PRKCA: variants seen among roughly 807,000 people sequenced by gnomAD.
The protein encoded by PRKCA is protein kinase C alpha.
Under a neutral mutation model 87.0 loss-of-function variants are expected in PRKCA, and 27 were observed. The observed-to-expected ratio is 0.31, with a 90% CI of 0.23 to 0.43. PRKCA has a LOEUF of 0.43. Among genes scored for constraint, PRKCA ranks in the 20% least tolerant of loss-of-function variants. The pLI, the probability that PRKCA is intolerant of heterozygous loss-of-function variation, is 1.00. For missense variants in PRKCA, 518 were observed against 852.3 expected (o/e 0.61, Z 4.88); for synonymous variants, 329 against 311.1 (o/e 1.06, Z -0.61).
At chr17:66,609,095 G>C (rs75117677) in intron 3 of PRKCA, among the ~76,000 whole-genome samples, 5,019 of 152,274 alleles carry the variant, frequency 0.033, 269 homozygotes, top group African/African-American at 0.11. Flanking sequence ...GGCCTCCTCA[G>C]ACTAATCATT....
At chr17:66,367,393 G>A (rs1312764718) in intron 2 of PRKCA, among the ~76,000 whole-genome samples, 3 of 152,224 alleles carry the variant, frequency 2.0e-5, no homozygotes, top group Non-Finnish European at 2.9e-5. Context: ...TGGTTTGGAA[G>A]CCAGAGACTG....
At chr17:66,655,233 T>C (rs1426102363) in intron 5 of PRKCA, among the ~76,000 whole-genome samples, 1 of 152,240 alleles carries the variant, frequency 6.6e-6, no homozygotes, top group African/African-American at 2.4e-5. Flanking sequence ...ATCTACTCTA[T>C]CTTCTTCCTT....
chr17:66,465,906 G>T (rs1273272388), intron 2 of PRKCA, among the ~76,000 whole-genome samples: 1 of 151,824 alleles, frequency 6.6e-6, no homozygotes, highest in African/African-American at 2.4e-5. Flanking sequence ...TGTAAGATTT[G>T]ACTTTTTTTT....
At chr17:66,404,742 CTTTTTTTTTTTTT>C (rs773919783) in intron 2 of PRKCA, among the ~76,000 whole-genome samples, 1 of 54,246 alleles carries the variant, frequency 1.8e-5, no homozygotes, top group Non-Finnish European at 3.2e-5. Context: ...GATGGTAGGC[CTTTTTTTTTTTTT>C]TTTTTTTTTT....
chr17:66,512,560 C>G (rs2144179491), intron 3 of PRKCA, among the ~76,000 whole-genome samples: 1 of 152,044 alleles, frequency 6.6e-6, no homozygotes, highest in East Asian at 1.9e-4. Context: ...ACCTCACTGA[C>G]CAGAACATCC....
At chr17:66,641,847 CAT>C (rs1476059581) in intron 4 of PRKCA, among the ~76,000 whole-genome samples, 2 of 152,082 alleles carry the variant, frequency 1.3e-5, no homozygotes, top group African/African-American at 4.8e-5. Context: ...AAACCCTACT[CAT>C]TATCTTCCTG....
intron 2 of PRKCA, among the ~76,000 whole-genome samples, chr17:66,430,616 T>A (rs978560066): frequency 2.0e-5 from 3 of 151,774 alleles, no homozygotes; most frequent in African/African-American, 7.3e-5. Flanking sequence ...CACAAAGAGG[T>A]TCCAGATTGA....
In PRKCA at chr17:66,805,148, G is replaced by C; in HGVS notation, c.*1111G>C. 2.0e-6 allele frequency: 2 copies of C among 982,128 alleles called. No individual in the cohort carries two copies. Among genetic ancestry groups the C allele is most frequent in the Non-Finnish European group, 2.4e-6 (2 of 826,916 alleles). 60.8% of individuals were successfully genotyped at this position (982,128 alleles called of 1,614,324 possible). On this transcript the variant is annotated 3_prime_UTR_variant, in exon 17 of 17. Transcript: ENST00000413366. ...TTAGGGATAAAAAGAATATGGTTTT[G>C]GTTCCCATTTCTAGTTCACGTTGAA...
At chr17:66,706,875 G>T (rs76587887) in intron 8 of PRKCA, among the ~76,000 whole-genome samples, 7,704 of 152,202 alleles carry the variant, frequency 0.051, 269 homozygotes, top group Non-Finnish European at 0.07. Flanking sequence ...ATGCCCTCTG[G>T]TCCTTTACAT....
At chr17:66,405,024 A>G (rs1911280959) in intron 2 of PRKCA, among the ~76,000 whole-genome samples, 1 of 152,008 alleles carries the variant, frequency 6.6e-6, no homozygotes, top group Non-Finnish European at 1.5e-5. Flanking sequence ...TGCTGGGATT[A>G]CAGGTGTGAG....
intron 2 of PRKCA, among the ~76,000 whole-genome samples, chr17:66,312,543 A>G (rs1905133120): frequency 6.6e-6 from 1 of 152,036 alleles, no homozygotes; most frequent in Admixed American, 6.6e-5. Flanking sequence ...CTTACCTACA[A>G]TGCTTTCCTT....
chr17:66,408,418 T>C (rs1911544845), intron 2 of PRKCA, among the ~76,000 whole-genome samples: 1 of 152,226 alleles, frequency 6.6e-6, no homozygotes, highest in African/African-American at 2.4e-5. Context: ...AACTTGAGCT[T>C]TGAAAACTAG....
At chr17:66,536,908 C>T (rs1967807611) in intron 3 of PRKCA, among the ~76,000 whole-genome samples, 2 of 152,282 alleles carry the variant, frequency 1.3e-5, no homozygotes, top group Admixed American at 6.5e-5. Flanking sequence ...TAGAGGTGAA[C>T]GATGGGGGCT....
intron 2 of PRKCA, among the ~76,000 whole-genome samples, chr17:66,478,380 G>A (rs1302737652): frequency 2.0e-5 from 3 of 151,948 alleles, no homozygotes; most frequent in African/African-American, 7.3e-5. Context: ...TCAGCCTCCC[G>A]AGTTGCTGAG....
At chr17:66,365,484 C>T (rs902335853) in intron 2 of PRKCA, among the ~76,000 whole-genome samples, 1 of 152,132 alleles carries the variant, frequency 6.6e-6, no homozygotes, top group Non-Finnish European at 1.5e-5. Context: ...ATGTTTGACC[C>T]AGGCTTTGTG....
intron 13 of PRKCA, among the ~76,000 whole-genome samples, chr17:66,768,573 G>T (rs1260804332): frequency 6.6e-6 from 1 of 152,184 alleles, no homozygotes; most frequent in Non-Finnish European, 1.5e-5. Flanking sequence ...GCATGACTAG[G>T]AGGTCTCAGG....
intron 5 of PRKCA, among the ~76,000 whole-genome samples, chr17:66,653,809 ACAAAAC>A (rs1296883923): frequency 8.7e-5 from 6 of 68,764 alleles, no homozygotes; most frequent in African/African-American, 2.0e-4. Flanking sequence ...AAAAAAAAAA[ACAAAAC>A]CAACAAGCTT....
chr17:66,695,088 C>T (rs1972882888), intron 8 of PRKCA, among the ~76,000 whole-genome samples: 2 of 152,180 alleles, frequency 1.3e-5, no homozygotes, highest in Admixed American at 6.5e-5. Flanking sequence ...CCCAGAGTTA[C>T]ATTCCTTCCT....
intron 2 of PRKCA, among the ~76,000 whole-genome samples, chr17:66,418,665 G>T (rs1295655730): frequency 2.6e-5 from 4 of 152,080 alleles, no homozygotes; most frequent in Non-Finnish European, 5.9e-5. Context: ...TCGATCTCCT[G>T]ACCTCAAGTG....
Sources: gnomAD v4.1 joint callset for allele counts (sites outside exome capture counted in the v4.1 genomes callset) on GRCh38, gnomAD v4.1.1 for gene constraint, MANE v1.5 for transcripts, NCBI Gene and HGNC (gene_info 2026-07-23, HGNC 2026-07-21) for gene names.